SMG6: variants seen among roughly 807,000 people sequenced by gnomAD.
The protein encoded by SMG6 is telomerase-binding protein EST1A.
In SMG6, 66 loss-of-function variants were observed where a neutral mutation model predicts 142.2. That is an observed-to-expected ratio of 0.46 (90% CI 0.38 to 0.57). The LOEUF (loss-of-function observed/expected upper bound fraction) is 0.57. Ranked by LOEUF, SMG6 falls within the 20% of genes least tolerant of loss-of-function variation. The probability of loss-of-function intolerance (pLI) is 0.00; values close to 1 mark genes in which losing one functional copy is unlikely to be tolerated. For synonymous variants in SMG6, 779 were observed against 702.4 expected (o/e 1.11, Z -1.72); for missense variants, 1,793 against 1,832.0 (o/e 0.98, Z 0.39).
At chr17:2,234,423 A>G (rs942034466) in intron 10 of SMG6, among the ~76,000 whole-genome samples, 23 of 151,394 alleles carry the variant, frequency 1.5e-4, no homozygotes, top group Non-Finnish European at 1.6e-4. Flanking sequence ...CACCAAGCGC[A>G]GCTAATTTTT....
intron 6 of SMG6, among the ~76,000 whole-genome samples, chr17:2,291,114 G>A (rs1053568972): frequency 2.0e-5 from 3 of 152,200 alleles, no homozygotes; most frequent in Middle Eastern, 3.4e-3. Context: ...GGCGGATCAC[G>A]AGGTCAGGAG....
chr17:2,299,995 C>CGAT lies in SMG6; in HGVS notation c.755_757dup (p.Asn252_Arg253insHis), dbSNP rs1567764403. On this transcript the variant is annotated inframe_insertion, in exon 2 of 19. Transcript: ENST00000263073. This position sits in a 1 kb window ranked among gnomAD's most constrained non-coding sequence, Gnocchi z 4.3. ...TGAGCTGGTGCTGCGCGTGCGGTAG[C>CGAT]GATTCCTTCGTTTGTCTGAGCGGGA... 6.2e-7 allele frequency: 1 copy of CGAT among 1,614,112 alleles called. No homozygotes were observed. The highest frequency in any genetic ancestry group is 8.5e-7 in the Non-Finnish European group (1 of 1,180,036).
intron 10 of SMG6, among the ~76,000 whole-genome samples, chr17:2,193,146 G>T (rs1163606370): frequency 2.0e-5 from 3 of 152,204 alleles, no homozygotes; most frequent in African/African-American, 7.2e-5. Context: ...TGTCTGGATG[G>T]CAGGGTGGAT....
chr17:2,115,218 C>G (rs1210210765), intron 13 of SMG6, among the ~76,000 whole-genome samples: 1 of 151,888 alleles, frequency 6.6e-6, no homozygotes, highest in Non-Finnish European at 1.5e-5. Context: ...GTGTTTAACA[C>G]TGGCAGTATA....
chr17:2,143,596 G>A (rs566761300), intron 13 of SMG6, among the ~76,000 whole-genome samples: 5 of 152,168 alleles, frequency 3.3e-5, no homozygotes, highest in East Asian at 1.9e-4. Context: ...TGGAGATGAC[G>A]CGATAGGTAG....
intron 15 of SMG6, among the ~76,000 whole-genome samples, chr17:2,077,264 G>A (rs932362351): frequency 2.6e-5 from 4 of 152,184 alleles, no homozygotes; most frequent in African/African-American, 4.8e-5. Flanking sequence ...CACAGACAAT[G>A]TGGGAAACAA....
At chr17:2,208,800 T>C (rs1376847762) in intron 10 of SMG6, among the ~76,000 whole-genome samples, 5 of 152,256 alleles carry the variant, frequency 3.3e-5, no homozygotes, top group Non-Finnish European at 5.9e-5. Flanking sequence ...ACTGTTGATA[T>C]AGTTTGGACA....
At chr17:2,172,022 A>G (rs1597515872) in intron 13 of SMG6, among the ~76,000 whole-genome samples, 1 of 152,146 alleles carries the variant, frequency 6.6e-6, no homozygotes, top group Admixed American at 6.5e-5. Flanking sequence ...TGAAAACCCA[A>G]CTGATAAGCA....
In SMG6 at chr17:2,089,846, T is replaced by C. The variant is rs1038452310; in HGVS notation, c.3358-3945A>G. 2.6e-5 allele frequency: 4 copies of C among 152,056 alleles called. No homozygotes were observed. In the South Asian group the frequency reaches 8.3e-4, roughly 32 times the overall value. 9.4% of individuals were successfully genotyped at this position (152,056 alleles called of 1,614,324 possible). On this transcript the variant is annotated intron_variant, in intron 13 of 18. Transcript: ENST00000263073. ...AGGTCAAGAGAGTAGACTGGGTTACTGTTCTGGGGTATTTAAGGTGGAGAG... is the reference window on the plus strand; with the variant it reads ...AGGTCAAGAGAGTAGACTGGGTTACCGTTCTGGGGTATTTAAGGTGGAGAG...
chr17:2,104,924 CTTT>C (rs952068002), intron 13 of SMG6, among the ~76,000 whole-genome samples: 1 of 149,806 alleles, frequency 6.7e-6, no homozygotes, highest in African/African-American at 2.5e-5. Context: ...TTCAAGTCAT[CTTT>C]TTTTTTGGGA....
At chr17:2,267,639 C>G (rs1781431122) in intron 8 of SMG6, among the ~76,000 whole-genome samples, 1 of 152,008 alleles carries the variant, frequency 6.6e-6, no homozygotes. Flanking sequence ...CTCAACTATT[C>G]TTTATCATTA....
intron 6 of SMG6, among the ~76,000 whole-genome samples, chr17:2,292,266 T>C (rs951442266): frequency 1.3e-5 from 2 of 152,122 alleles, no homozygotes; most frequent in Admixed American, 6.6e-5. Flanking sequence ...AAATTCAGAG[T>C]GGCAGCTCTG....
chr17:2,118,743 T>C lies in SMG6; in HGVS notation c.3358-32842A>G, dbSNP rs577434536. Among the ~76,000 whole-genome samples, 11 of 151,930 alleles carry C rather than the reference T, an allele frequency of 7.2e-5. No homozygotes were observed. In the East Asian group the frequency reaches 1.9e-3, roughly 27 times the overall value. On this transcript the variant is annotated intron_variant, in intron 13 of 18. Coordinates refer to ENST00000263073, the MANE Select transcript of SMG6 (RefSeq NM_017575.5). ...CTGGGACCACAGGTGTAGGCCACCA[T>C]GTCTGGCTGATTTTTTAATTTTTTT...
At chr17:2,115,883 T>C (rs1387596552) in intron 13 of SMG6, among the ~76,000 whole-genome samples, 1 of 151,760 alleles carries the variant, frequency 6.6e-6, no homozygotes, top group African/African-American at 2.4e-5. Context: ...ATTATTTATT[T>C]AATTTTAGAG....
chr17:2,303,221 C>T (rs2075325174), intron 1 of SMG6: 1 of 985,358 alleles, frequency 1.0e-6, no homozygotes, highest in African/African-American at 1.7e-5. Flanking sequence ...AATTCCTTCT[C>T]TCCGACGTTA....
chr17:2,180,164 G>A (rs1228759040), intron 12 of SMG6, among the ~76,000 whole-genome samples: 3 of 152,130 alleles, frequency 2.0e-5, no homozygotes, highest in South Asian at 2.1e-4. Flanking sequence ...CTCACTTGCC[G>A]AAGTAGGGGT....
intron 13 of SMG6, among the ~76,000 whole-genome samples, chr17:2,161,542 A>G (rs897469750): frequency 6.6e-6 from 1 of 151,972 alleles, no homozygotes; most frequent in Non-Finnish European, 1.5e-5. Context: ...TTCATCTATA[A>G]GCAATCTTGC....
intron 1 of SMG6, among the ~76,000 whole-genome samples, 189 bp from the exon 2 acceptor site, chr17:2,300,853 T>C (rs186803000): frequency 3.9e-5 from 6 of 152,374 alleles, no homozygotes; most frequent in Non-Finnish European, 8.8e-5. Context: ...TTTACAACAC[T>C]TGTTCAACAA....
chr17:2,085,986 C>T lies in SMG6; in HGVS notation c.3358-85G>A. 2 of 1,388,956 alleles carry T rather than the reference C, an allele frequency of 1.4e-6. No individual in the cohort carries two copies. Among genetic ancestry groups the T allele is most frequent in the Admixed American group, 1.7e-5 (1 of 57,842 alleles). The allele number at this position is 1,388,956 out of a possible 1,614,324, so 86.0% of individuals were successfully genotyped here. On this transcript the variant is annotated intron_variant, in intron 13 of 18. Transcript: ENST00000263073. This position sits in a 1 kb window ranked among gnomAD's most constrained non-coding sequence, Gnocchi z 4.1. Reference sequence around the variant, plus strand: ...GATGTTGCTTGCCGGCTGAGGGGCACAGGGGAACTGTGTCAAAGCTACCAG... The same window carrying T: ...GATGTTGCTTGCCGGCTGAGGGGCATAGGGGAACTGTGTCAAAGCTACCAG...
Sources: allele counts gnomAD v4.1 joint callset (sites outside exome capture counted in the v4.1 genomes callset), GRCh38; gene constraint gnomAD v4.1.1; non-coding constraint Gnocchi (gnomAD v3.1); transcripts MANE v1.5; gene names NCBI Gene and HGNC (gene_info 2026-07-23, HGNC 2026-07-21).